The following VEZT variants were observed in gnomAD, a reference collection of about 807,000 sequenced individuals.
VEZT encodes vezatin.
A neutral mutation model predicts 79.9 loss-of-function variants in VEZT; 39 were observed. The ratio of observed to expected loss-of-function variants is 0.49; its 90% CI spans 0.38 to 0.64. The LOEUF is 0.64. Among genes scored for constraint, VEZT ranks in the 30% least tolerant of loss-of-function variants. The pLI is 0.00. For missense variants in VEZT, 837 were observed against 893.1 expected, an observed-to-expected ratio of 0.94 and a Z score of 0.80; for synonymous variants, 325 against 327.6, an observed-to-expected ratio of 0.99 and a Z score of 0.09.
At chr12:95,246,217 G>T (rs998450131) in intron 1 of VEZT, among the ~76,000 whole-genome samples, 1 of 152,038 alleles carries the variant, frequency 6.6e-6, no homozygotes, top group Non-Finnish European at 1.5e-5. Flanking sequence ...CCACCTCCTG[G>T]GTTCAAGGGA....
chr12:95,251,838 G>A, intron 1 of VEZT, 102 bp from the exon 2 acceptor site: 2 of 1,015,066 alleles, frequency 2.0e-6, no homozygotes, highest in Non-Finnish European at 2.8e-6. Context: ...AAAGAATTTG[G>A]ACATACTGGT....
intron 1 of VEZT, chr12:95,245,572 C>A (rs1456601307): frequency 2.2e-6 from 1 of 456,738 alleles, no homozygotes; most frequent in Non-Finnish European, 4.4e-6. Flanking sequence ...ATTATTGAAT[C>A]AGTTGCCTAA....
At chr12:95,254,923 T>C (rs1045891770) in intron 2 of VEZT, among the ~76,000 whole-genome samples, 7 of 152,194 alleles carry the variant, frequency 4.6e-5, no homozygotes, top group African/African-American at 7.2e-5. Flanking sequence ...ATTCTGTCTC[T>C]TTTTCTGGTT....
rs556874095 is a variant in VEZT at position 95,282,567 on chromosome 12, A to G, written c.1251A>G (p.Gln417=). ...TACCGCAGTGTTTATCCAAAACTCA[A>G]CAGAAGTCAAGAGAACTGAATAATG... ...QSVPQCLSKT[Q]QKSRELNNVH... is the part of the protein sequence containing the mutation. The change falls in exon 8 of 12, where the codon CAA becomes CAG. Residue 417 remains glutamine (Q), a synonymous_variant. Coordinates refer to ENST00000436874, the MANE Select transcript of VEZT (RefSeq NM_017599.4). 2.6e-5 allele frequency: 42 copies of G among 1,614,040 alleles called. No individual in the cohort carries two copies. Among genetic ancestry groups the G allele is most frequent in the Non-Finnish European group, 3.1e-5 (37 of 1,179,886 alleles).
intron 1 of VEZT, among the ~76,000 whole-genome samples, chr12:95,225,457 TGA>T (rs2058285697): frequency 6.6e-6 from 1 of 152,068 alleles, no homozygotes; most frequent in Non-Finnish European, 1.5e-5. Context: ...CTCGGGAGGC[TGA>T]GGCAGGAGAA....
chr12:95,219,040 G>C (rs1025350467), intron 1 of VEZT, among the ~76,000 whole-genome samples: 1 of 152,146 alleles, frequency 6.6e-6, no homozygotes, highest in African/African-American at 2.4e-5. Context: ...GAAGTGAAGA[G>C]TCTAGATATG....
rs1382002382 is a variant in VEZT at position 95,245,510 on chromosome 12, TA to T, written c.37-6429del. On this transcript the variant is annotated intron_variant, in intron 1 of 11. Transcript: ENST00000436874. ...GGGAAAAACTGTTCCTGTTTTGTTT[TA>T]TCCCCTGTGCCTACATGTTGCCTGA... 1.1e-5 allele frequency: 5 copies of T among 456,592 alleles called. No individual in the cohort carries two copies. The Admixed American group carries it at 1.2e-4, about 11-fold the overall frequency. The allele number at this position is 456,592 out of a possible 1,614,324, so 28.3% of individuals were successfully genotyped here. A position where few individuals can be genotyped will look rare whatever the true frequency, so the allele number is the denominator to read the frequency against.
intron 3 of VEZT, among the ~76,000 whole-genome samples, chr12:95,259,500 T>C (rs1402672594): frequency 6.6e-6 from 1 of 152,202 alleles, no homozygotes; most frequent in Non-Finnish European, 1.5e-5. Context: ...GTAGCTACTG[T>C]TATTATCCCA....
At chr12:95,226,525 A>G (rs936566263) in intron 1 of VEZT, among the ~76,000 whole-genome samples, 9 of 152,190 alleles carry the variant, frequency 5.9e-5, no homozygotes, top group African/African-American at 1.9e-4. Flanking sequence ...AAAAACTTAA[A>G]TCATGCAGAG....
intron 8 of VEZT, among the ~76,000 whole-genome samples, chr12:95,286,074 C>A (rs764441709): frequency 1.4e-5 from 2 of 142,448 alleles, no homozygotes; most frequent in Non-Finnish European, 3.0e-5. Flanking sequence ...CTCACTGCAA[C>A]CTCTGCCTCC....
rs1368416583 is a variant in VEZT, at chr12:95,256,667, A to G, written c.169-483A>G. On this transcript the variant is annotated intron_variant, in intron 2 of 11. Transcript: ENST00000436874. ...GATTCAGTAGTAAAGCTTTTTTATC[A>G]ATATATGACAGTTTTTCTAAAATGG... 5 of 1,060,610 alleles carry G rather than the reference A, an allele frequency of 4.7e-6. No homozygotes were observed. In the Admixed American group the frequency reaches 1.3e-4, roughly 27 times the overall value. 65.7% of individuals were successfully genotyped at this position (1,060,610 alleles called of 1,614,324 possible). A position where few individuals can be genotyped will look rare whatever the true frequency, so the allele number is the denominator to read the frequency against.
chr12:95,254,280 T>C (rs1350098984), intron 2 of VEZT, among the ~76,000 whole-genome samples: 1 of 151,798 alleles, frequency 6.6e-6, no homozygotes, highest in Non-Finnish European at 1.5e-5. Context: ...CCCAGCCATA[T>C]TGCACATTTC....
chr12:95,234,912 G>A (rs189295800), intron 1 of VEZT, among the ~76,000 whole-genome samples: 35 of 152,070 alleles, frequency 2.3e-4, no homozygotes, highest in African/African-American at 6.5e-4. Flanking sequence ...ATCTTGCACC[G>A]CCCTTAATCC....
In VEZT at chr12:95,296,246, T is replaced by G; in HGVS notation, c.1819T>G (p.Phe607Val). ...AERQKWKQLL[F>V]SDHAVLKSLS... ...AAGGCAGAAGTGGAAGCAACTTCTA[T>G]TTAGTGATCATGGTAAGCACTGACT... The change falls in exon 11 of 12, where the codon TTT becomes GTT. Residue 607 changes from phenylalanine to valine, a missense_variant. Physicochemically the swap from Phe to Val is conservative, Grantham distance 50 (BLOSUM62 -1). Coordinates refer to ENST00000436874, the MANE Select transcript of VEZT (RefSeq NM_017599.4). 6.3e-7 allele frequency: 1 copy of G among 1,581,396 alleles called. No individual in the cohort carries two copies. Among genetic ancestry groups the G allele is most frequent in the Non-Finnish European group, 8.6e-7 (1 of 1,162,694 alleles).
Position 95,282,469 on chromosome 12 carries a change from C to G in VEZT, c.1153C>G (p.His385Asp), listed in dbSNP as rs761325946. 2.5e-6 allele frequency: 4 copies of G among 1,613,984 alleles called. No homozygotes were observed. The highest frequency in any genetic ancestry group is 2.5e-6 in the Non-Finnish European group (3 of 1,179,888). ...SDVTQGLPHAHSACLEELKRS... is the reference protein window; with the variant it reads ...SDVTQGLPHADSACLEELKRS... ...TGTGACTCAAGGTCTACCTCATGCT[C>G]ATTCTGCCTGTTTGGAAGAGCTTAA... is the stretch of plus-strand genomic sequence containing the variant. Residue 385 changes from histidine (H) to aspartate (D), a missense_variant, in exon 8 of 12, where the codon CAT becomes GAT. Coordinates refer to ENST00000436874, the MANE Select transcript of VEZT (RefSeq NM_017599.4).
intron 7 of VEZT, chr12:95,275,909 A>G (rs2067600612): frequency 6.7e-6 from 1 of 148,838 alleles, no homozygotes. Flanking sequence ...CAAATGGCCA[A>G]TAAATATGAT....
chr12:95,265,822 G>C (rs1193110100), intron 4 of VEZT, among the ~76,000 whole-genome samples: 2 of 152,116 alleles, frequency 1.3e-5, no homozygotes, highest in Non-Finnish European at 2.9e-5. Context: ...CAGGCAAAAA[G>C]GAAAGAGAAG....
At chr12:95,284,091 A>C (rs73227429) in intron 8 of VEZT, among the ~76,000 whole-genome samples, 329 of 152,324 alleles carry the variant, frequency 2.2e-3, no homozygotes, top group Non-Finnish European at 3.4e-3. Context: ...CACAAAAAAG[A>C]GGAGCTTTGT....
chr12:95,264,249 A>G (rs1280242181), intron 4 of VEZT, among the ~76,000 whole-genome samples: 5 of 152,204 alleles, frequency 3.3e-5, no homozygotes, highest in African/African-American at 2.4e-5. Context: ...AGAAGGAACC[A>G]TAGGTTTTAA....
Sources: gnomAD v4.1 joint callset for allele counts (sites outside exome capture counted in the v4.1 genomes callset) on GRCh38, gnomAD v4.1.1 for gene constraint, MANE v1.5 for transcripts, NCBI Gene and HGNC (gene_info 2026-07-23, HGNC 2026-07-21) for gene names.